ADAMTS18: variants seen among roughly 807,000 people sequenced by gnomAD.
The protein encoded by ADAMTS18 is A disintegrin and metalloproteinase with thrombospondin motifs 18.
A neutral mutation model predicts 165.9 loss-of-function variants in ADAMTS18; 157 were observed. The ratio of observed to expected loss-of-function variants is 0.95; its 90% CI spans 0.83 to 1.08. ADAMTS18 has a LOEUF of 1.08. ADAMTS18 is among the 50% of genes least tolerant of loss of function. The pLI, the probability that ADAMTS18 is intolerant of heterozygous loss-of-function variation, is 0.00. For synonymous variants in ADAMTS18, 782 were observed against 578.2 expected (o/e 1.35, Z -5.06); for missense variants, 2,040 against 1,534.0 (o/e 1.33, Z -5.51).
intron 3 of ADAMTS18, 125 bp downstream of exon 3, chr16:77,431,170 G>A (rs897385496): frequency 1.0e-6 from 1 of 983,868 alleles, no homozygotes; most frequent in Non-Finnish European, 1.6e-6. Context: ...AATATTAGAA[G>A]TATCAAGGCT....
At chr16:77,306,131 T>A (rs2055677838) in intron 16 of ADAMTS18, among the ~76,000 whole-genome samples, 1 of 152,206 alleles carries the variant, frequency 6.6e-6, no homozygotes, top group South Asian at 2.1e-4. Flanking sequence ...TGATTCAATC[T>A]ACTTAACTGG....
intron 3 of ADAMTS18, among the ~76,000 whole-genome samples, chr16:77,371,972 T>A (rs1332456459): frequency 6.6e-6 from 1 of 151,924 alleles, no homozygotes; most frequent in South Asian, 2.1e-4. Context: ...AAAACCTAAA[T>A]AAATACTTCT....
intron 12 of ADAMTS18, among the ~76,000 whole-genome samples, chr16:77,334,748 G>GTATTT (rs1555514226): frequency 9.2e-6 from 1 of 108,894 alleles, no homozygotes; most frequent in African/African-American, 3.6e-5. Flanking sequence ...TATATATACT[G>GTATTT]TATACTATAG....
intron 3 of ADAMTS18, among the ~76,000 whole-genome samples, chr16:77,402,477 G>T (rs565770377): frequency 1.3e-5 from 2 of 152,264 alleles, no homozygotes; most frequent in South Asian, 4.2e-4. Context: ...CCTGGGTGGG[G>T]CCTGGAGCAT....
chr16:77,339,514 G>C (rs1443658998), intron 11 of ADAMTS18, among the ~76,000 whole-genome samples: 1 of 151,474 alleles, frequency 6.6e-6, no homozygotes, highest in African/African-American at 2.4e-5. Flanking sequence ...TTTAGACCTA[G>C]GTGATGTATC....
At chr16:77,401,019 G>T (rs895704682) in intron 3 of ADAMTS18, among the ~76,000 whole-genome samples, 2 of 152,014 alleles carry the variant, frequency 1.3e-5, no homozygotes, top group African/African-American at 4.8e-5. Flanking sequence ...ACTTTGGGAG[G>T]CTGAGGTGGG....
intron 3 of ADAMTS18, among the ~76,000 whole-genome samples, chr16:77,402,919 C>A (rs1406668375): frequency 6.6e-6 from 1 of 152,202 alleles, no homozygotes; most frequent in East Asian, 1.9e-4. Context: ...CACTGAAACA[C>A]AACCTCTCTC....
At chr16:77,353,604 C>T (rs1048904107) in intron 10 of ADAMTS18, 129 bp downstream of exon 10, 4 of 1,279,332 alleles carry the variant, frequency 3.1e-6, no homozygotes, top group Non-Finnish European at 3.4e-6. Flanking sequence ...TCATGCCAAA[C>T]AACTGACACG....
In ADAMTS18 at chr16:77,431,552, T is replaced by A; in HGVS notation, c.238A>T (p.Ile80Phe). Reference protein sequence around the residue: ...DSAGSYISHDILHNGRKKRSA... With the variant: ...DSAGSYISHDFLHNGRKKRSA... The stretch of plus-strand genomic sequence containing the variant: ...CGCTTTTTCCTGCCGTTGTGCAAAA[T>A]GTCGTGTGAAATATATGACCCGGCT... The change falls in exon 3 of 23, where the codon ATT (isoleucine) becomes TTT (phenylalanine). Residue 80 changes from isoleucine to phenylalanine, a missense_variant. By Grantham distance (21) the Ile-to-Phe change is conservative. Coordinates refer to ENST00000282849, the MANE Select transcript of ADAMTS18 (RefSeq NM_199355.4). The A allele has an allele frequency of 6.2e-7, 1 of 1,614,138 alleles. No homozygotes were observed. The highest frequency in any genetic ancestry group is 8.5e-7 in the Non-Finnish European group (1 of 1,180,030).
chr16:77,293,070 C>T lies in ADAMTS18; in HGVS notation c.3189+6G>A, dbSNP rs767283285. ...TCCTGACCCAGCAGTGACTTCTAAT[C>T]CATACCTCGCTCCACGAAGAAGCGA... is the stretch of plus-strand genomic sequence containing the variant. On this transcript the variant is annotated splice_donor_region_variant and intron_variant, in intron 20 of 22. Coordinates refer to ENST00000282849, the MANE Select transcript of ADAMTS18 (RefSeq NM_199355.4). 8.1e-6 allele frequency: 13 copies of T among 1,613,906 alleles called. No individual in the cohort carries two copies. Among genetic ancestry groups the T allele is most frequent in the Non-Finnish European group, 1.1e-5 (13 of 1,179,980 alleles).
At chr16:77,312,675 G>A (rs1221112823) in intron 16 of ADAMTS18, among the ~76,000 whole-genome samples, 1 of 152,160 alleles carries the variant, frequency 6.6e-6, no homozygotes, top group Admixed American at 6.5e-5. Flanking sequence ...GTACGAATAT[G>A]CAGCCAAATA....
chr16:77,341,999 C>T (rs1035669744), intron 10 of ADAMTS18, among the ~76,000 whole-genome samples, 200 bp from the exon 11 acceptor site: 2 of 152,084 alleles, frequency 1.3e-5, no homozygotes, highest in African/African-American at 2.4e-5. Context: ...CTACAGTATC[C>T]AGATATTCAT....
intron 3 of ADAMTS18, among the ~76,000 whole-genome samples, chr16:77,422,085 A>C (rs1247909288): frequency 1.3e-5 from 2 of 152,034 alleles, no homozygotes; most frequent in African/African-American, 4.8e-5. Context: ...TCCAGCCAAA[A>C]ACTATGCAGC....
At chr16:77,320,912 A>G (rs964503356) in intron 15 of ADAMTS18, among the ~76,000 whole-genome samples, 167 bp downstream of exon 15, 9 of 152,204 alleles carry the variant, frequency 5.9e-5, no homozygotes, top group African/African-American at 2.2e-4. Context: ...TGTATCGACG[A>G]AATTCCTCAC....
At chr16:77,318,998 T>G (rs2055937496) in intron 16 of ADAMTS18, among the ~76,000 whole-genome samples, 1 of 152,226 alleles carries the variant, frequency 6.6e-6, no homozygotes, top group East Asian at 1.9e-4. Flanking sequence ...AAAATGTTTC[T>G]ATGATAACAG....
At chr16:77,340,862 C>T (rs1358524651) in intron 11 of ADAMTS18, among the ~76,000 whole-genome samples, 1 of 152,132 alleles carries the variant, frequency 6.6e-6, no homozygotes, top group African/African-American at 2.4e-5. Context: ...GCTATCACAC[C>T]CAGCCTTGAC....
intron 7 of ADAMTS18, among the ~76,000 whole-genome samples, chr16:77,360,258 T>C (rs967724201): frequency 7.2e-5 from 11 of 152,328 alleles, no homozygotes; most frequent in African/African-American, 2.4e-4. Flanking sequence ...CGTCACTAAA[T>C]AAATGGTTGC....
At chr16:77,414,688 T>G (rs1011835925) in intron 3 of ADAMTS18, among the ~76,000 whole-genome samples, 3 of 152,206 alleles carry the variant, frequency 2.0e-5, no homozygotes, top group African/African-American at 4.8e-5. Context: ...CTGTTGTCAT[T>G]ATTTAAAAAT....
chr16:77,359,465 C>A (rs776825245), intron 7 of ADAMTS18, 42 bp from the exon 8 acceptor site: 2 of 1,501,586 alleles, frequency 1.3e-6, no homozygotes, highest in African/African-American at 1.4e-5. Flanking sequence ...AAAGGTTGCA[C>A]ACACAGATAC....
Sources: allele counts gnomAD v4.1 joint callset (sites outside exome capture counted in the v4.1 genomes callset), GRCh38; gene constraint gnomAD v4.1.1; transcripts MANE v1.5; gene names NCBI Gene and HGNC (gene_info 2026-07-23, HGNC 2026-07-21).